Variants in CARF observed in about 807,000 individuals in gnomAD.
The protein encoded by CARF is calcium-responsive transcription factor.
In CARF, 57 loss-of-function variants were observed where a neutral mutation model predicts 82.0. The observed-to-expected ratio is 0.70, with a 90% CI of 0.56 to 0.87. CARF has a LOEUF of 0.87. Ranked by LOEUF, CARF falls within the 40% of genes least tolerant of loss-of-function variation. CARF has a pLI of 0.00. For synonymous variants in CARF, 268 were observed against 290.1 expected (o/e 0.92, Z 0.77); for missense variants, 771 against 855.8 (o/e 0.90, Z 1.24).
chr2:202,982,380 G>T lies in CARF; in HGVS notation c.1998G>T (p.Arg666=). Residue 666 remains arginine (R), a synonymous_variant, in exon 16 of 17, where the codon CGG becomes CGT. Coordinates refer to ENST00000438828, the MANE Select transcript of CARF (RefSeq NM_024744.17). ...GGAATCTGGAAGGAACTGTTCATCG[G>T]ATTCTGTTGGGAGATGTGCAGACTA... The part of the protein sequence containing the change: ...DTGNLEGTVH[R]ILLGDVQTIP... 1 of 1,614,126 alleles carries T rather than the reference G, an allele frequency of 6.2e-7. No homozygotes were observed. Among genetic ancestry groups the T allele is most frequent in the Non-Finnish European group, 8.5e-7 (1 of 1,179,992 alleles).
At chr2:202,920,437 A>G (rs912673439) in intron 2 of CARF, among the ~76,000 whole-genome samples, 11 of 152,248 alleles carry the variant, frequency 7.2e-5, no homozygotes, top group South Asian at 2.1e-4. Flanking sequence ...TTACAGGCGT[A>G]AGCCACCGTG....
chr2:202,973,030 A>G (rs185572708), intron 12 of CARF, among the ~76,000 whole-genome samples: 6 of 152,196 alleles, frequency 3.9e-5, no homozygotes, highest in Admixed American at 2.6e-4. Flanking sequence ...ACCCAAGAAG[A>G]TGGGATTGCA....
intron 7 of CARF, among the ~76,000 whole-genome samples, chr2:202,954,804 T>C (rs1348902021): frequency 6.6e-6 from 1 of 151,164 alleles, no homozygotes; most frequent in African/African-American, 2.4e-5. Context: ...GGTCAGGAGA[T>C]TGAGACCATC....
intron 14 of CARF, among the ~76,000 whole-genome samples, chr2:202,977,604 T>G (rs2060086583): frequency 6.6e-6 from 1 of 152,224 alleles, no homozygotes; most frequent in South Asian, 2.1e-4. Flanking sequence ...CTAATTCCAG[T>G]AGTAATAACC....
intron 6 of CARF, among the ~76,000 whole-genome samples, chr2:202,953,136 C>T (rs1318458431): frequency 6.6e-6 from 1 of 152,110 alleles, no homozygotes; most frequent in Non-Finnish European, 1.5e-5. Context: ...TCTCCTGCCT[C>T]AGCCTCCTGA....
chr2:202,932,124 C>T (rs932285082), intron 3 of CARF, among the ~76,000 whole-genome samples: 4 of 151,956 alleles, frequency 2.6e-5, no homozygotes, highest in South Asian at 2.1e-4. Flanking sequence ...ACTTAAACAA[C>T]GAGATCTCAC....
At chr2:202,926,983 T>G (rs1691950023) in intron 3 of CARF, among the ~76,000 whole-genome samples, 1 of 152,110 alleles carries the variant, frequency 6.6e-6, no homozygotes, top group Non-Finnish European at 1.5e-5. Context: ...CCAGCTAATT[T>G]TTATATTTTT....
At chr2:202,958,155 T>G (rs1244109044) in intron 8 of CARF, among the ~76,000 whole-genome samples, 1 of 152,014 alleles carries the variant, frequency 6.6e-6, no homozygotes, top group Non-Finnish European at 1.5e-5. Context: ...TTGAGAAAAT[T>G]TCTCATAAAA....
chr2:202,965,566 ATTGT>A (rs1185003429), intron 9 of CARF, among the ~76,000 whole-genome samples: 2 of 151,314 alleles, frequency 1.3e-5, no homozygotes, highest in African/African-American at 4.9e-5. Flanking sequence ...ATTATTTATG[ATTGT>A]TTGTAGTCTA....
At chr2:202,975,013 C>T (rs766272759) in intron 13 of CARF, among the ~76,000 whole-genome samples, 59 of 151,884 alleles carry the variant, frequency 3.9e-4, no homozygotes, top group Non-Finnish European at 6.9e-4. Context: ...ATTCCCAACT[C>T]CATAATAAAA....
Position 202,987,905 on chromosome 2 carries a change from G to C in CARF, c.*4281G>C, listed in dbSNP as rs1864465. ...TATGCATACAGCCATGAAATCATCA[G>C]CATAAGCAAGGTAATGAACATATTC... On this transcript the variant is annotated 3_prime_UTR_variant, in exon 17 of 17. Transcript: ENST00000438828. 0.88 allele frequency among the ~76,000 whole-genome samples: 134,181 copies of C among 152,184 alleles called. 59,612 individuals are homozygous for C. Among genetic ancestry groups the C allele is most frequent in the South Asian group, 0.93 (4,505 of 4,824 alleles).
At chr2:202,918,783 C>G (rs538529176) in intron 2 of CARF, among the ~76,000 whole-genome samples, 1 of 152,188 alleles carries the variant, frequency 6.6e-6, no homozygotes, top group South Asian at 2.1e-4. Flanking sequence ...TAAAAATGTA[C>G]TTTTAATCTT....
chr2:202,954,825 C>A (rs866363106), intron 7 of CARF, among the ~76,000 whole-genome samples: 1 of 151,016 alleles, frequency 6.6e-6, no homozygotes, highest in East Asian at 1.9e-4. Context: ...CTGGCTAACA[C>A]GGTAAAACCC....
intron 1 of CARF, among the ~76,000 whole-genome samples, chr2:202,916,162 T>TTTTATTTATTTATTTATTTA (rs151050381): frequency 1.4e-5 from 2 of 146,548 alleles, no homozygotes; most frequent in African/African-American, 5.1e-5. Context: ...TTGAGCAATA[T>TTTTATTTATTTATTTATTTA]TTTATTTATT....
intron 2 of CARF, among the ~76,000 whole-genome samples, chr2:202,918,712 G>A (rs1690225168): frequency 6.6e-6 from 1 of 152,124 alleles, no homozygotes; most frequent in Non-Finnish European, 1.5e-5. Context: ...AAGAAAGGAG[G>A]AAGGAAGAGG....
At position 202,986,653 on chromosome 2, in the gene CARF, T is replaced by C. The variant is rs2060436654; in HGVS notation, c.*3029T>C. 1.3e-5 allele frequency: 2 copies of C among 151,652 alleles called. No individual in the cohort carries two copies. Among genetic ancestry groups the C allele is most frequent in the African/African-American group, 4.8e-5 (2 of 41,340 alleles). 9.4% of individuals were successfully genotyped at this position (151,652 alleles called of 1,614,324 possible). ...TAAAAGGAAAAGCTTTTATATTTTA[T>C]GCAAGGTAAATGTTTCCTAAATGTC... On this transcript the variant is annotated 3_prime_UTR_variant, in exon 17 of 17. Coordinates refer to ENST00000438828, the MANE Select transcript of CARF (RefSeq NM_024744.17).
At chr2:202,916,460 T>G (rs1260911725) in intron 1 of CARF, among the ~76,000 whole-genome samples, 1 of 152,134 alleles carries the variant, frequency 6.6e-6, no homozygotes, top group Admixed American at 6.5e-5. Context: ...GGATTACAGG[T>G]GTGAGCCACC....
intron 2 of CARF, among the ~76,000 whole-genome samples, chr2:202,920,370 T>C (rs1261189879): frequency 6.6e-6 from 1 of 152,178 alleles, no homozygotes; most frequent in African/African-American, 2.4e-5. Flanking sequence ...TTAGCCATGA[T>C]GGTCTTGATC....
intron 2 of CARF, among the ~76,000 whole-genome samples, chr2:202,923,928 G>C (rs1460240914): frequency 6.6e-6 from 1 of 152,172 alleles, no homozygotes; most frequent in Admixed American, 6.5e-5. Context: ...GCCACATGTA[G>C]GAGAATGAAA....
Sources: allele counts gnomAD v4.1 joint callset (sites outside exome capture counted in the v4.1 genomes callset), GRCh38; gene constraint gnomAD v4.1.1; transcripts MANE v1.5; gene names NCBI Gene and HGNC (gene_info 2026-07-23, HGNC 2026-07-21).